Variants in DPYD observed in about 807,000 individuals in gnomAD.
DPYD encodes dihydropyrimidine dehydrogenase.
A neutral mutation model predicts 116.2 loss-of-function variants in DPYD; 109 were observed. The ratio of observed to expected loss-of-function variants is 0.94; its 90% confidence interval spans 0.80 to 1.10. The LOEUF is 1.10. DPYD is among the 50% of genes least tolerant of loss of function. DPYD has a pLI of 0.00. For synonymous variants in DPYD, 440 were observed against 432.0 expected, an observed-to-expected ratio of 1.02 and a Z score of -0.23; for missense variants, 1,302 against 1,254.5, an observed-to-expected ratio of 1.04 and a Z score of -0.57.
intron 13 of DPYD, among the ~76,000 whole-genome samples, chr1:97,457,022 C>T (rs565931201): frequency 1.3e-5 from 2 of 152,090 alleles, no homozygotes; most frequent in African/African-American, 2.4e-5. Flanking sequence ...CAACATGGCA[C>T]GGTGTGTACT....
rs192600256 is a variant in DPYD, at chr1:97,708,039, A to G, written c.484-8492T>C. Among the ~76,000 whole-genome samples, 229 of 152,012 alleles carry G rather than the reference A, an allele frequency of 1.5e-3. No homozygotes were observed. The Middle Eastern group carries it at 0.024, about 16-fold the overall frequency. ...TTTGTTTTGAGATGAGAGTCTCACT[A>G]TGCTCCCCAGGCTGGTCTCAAACTC... On this transcript the variant is annotated intron_variant, in intron 5 of 22. Coordinates refer to ENST00000370192, the MANE Select transcript of DPYD (RefSeq NM_000110.4).
intron 18 of DPYD, among the ~76,000 whole-genome samples, chr1:97,271,326 G>A (rs2100893370): frequency 6.6e-6 from 1 of 152,208 alleles, no homozygotes; most frequent in Non-Finnish European, 1.5e-5. Context: ...ATGGACAGAA[G>A]GGAGAGAAAT....
intron 18 of DPYD, among the ~76,000 whole-genome samples, chr1:97,302,363 T>C (rs1267858473): frequency 1.3e-5 from 2 of 152,028 alleles, no homozygotes; most frequent in Non-Finnish European, 2.9e-5. Context: ...GGTATATAAT[T>C]CAACTTTTTA....
chr1:97,594,560 A>G (rs1319238669), intron 9 of DPYD, among the ~76,000 whole-genome samples: 1 of 152,318 alleles, frequency 6.6e-6, no homozygotes, highest in East Asian at 1.9e-4. Flanking sequence ...CCCCAAAGAC[A>G]ATGACTCTGG....
At chr1:97,127,549 A>G (rs1652943436) in intron 20 of DPYD, among the ~76,000 whole-genome samples, 1 of 152,086 alleles carries the variant, frequency 6.6e-6, no homozygotes, top group South Asian at 2.1e-4. Flanking sequence ...CATTCTAAAT[A>G]ATTCTAGAAA....
intron 13 of DPYD, among the ~76,000 whole-genome samples, chr1:97,465,622 A>C (rs1221194860): frequency 6.6e-6 from 1 of 152,190 alleles, no homozygotes; most frequent in Non-Finnish European, 1.5e-5. Context: ...GCCTGCTGTC[A>C]TCCACGTAAG....
At chr1:97,512,720 A>C (rs190150495) in intron 13 of DPYD, among the ~76,000 whole-genome samples, 1 of 151,998 alleles carries the variant, frequency 6.6e-6, no homozygotes, top group East Asian at 1.9e-4. Flanking sequence ...ATGATAATTT[A>C]GCTTTAATCA....
intron 2 of DPYD, among the ~76,000 whole-genome samples, chr1:97,873,663 G>A (rs1671768716): frequency 6.6e-6 from 1 of 151,676 alleles, no homozygotes; most frequent in Admixed American, 6.6e-5. Context: ...AATAAAAAGA[G>A]GATTATAATC....
chr1:97,426,078 C>T (rs540051408), intron 14 of DPYD, among the ~76,000 whole-genome samples: 12 of 151,680 alleles, frequency 7.9e-5, no homozygotes, highest in Admixed American at 7.9e-4. Flanking sequence ...CATTAGTTGA[C>T]ATTAGTGTTC....
At chr1:97,223,781 TG>T (rs1016169177) in intron 19 of DPYD, among the ~76,000 whole-genome samples, 2 of 152,078 alleles carry the variant, frequency 1.3e-5, no homozygotes, top group African/African-American at 2.4e-5. Context: ...AGATAAGATC[TG>T]GGACTAACAG....
intron 1 of DPYD, among the ~76,000 whole-genome samples, chr1:97,895,113 A>T (rs1307530204): frequency 6.6e-6 from 1 of 151,790 alleles, no homozygotes; most frequent in Non-Finnish European, 1.5e-5. Context: ...CAAATTAGTC[A>T]ATTTACCTCA....
At chr1:97,457,176 T>C (rs972903769) in intron 13 of DPYD, among the ~76,000 whole-genome samples, 1 of 146,270 alleles carries the variant, frequency 6.8e-6, no homozygotes, top group African/African-American at 2.4e-5. Flanking sequence ...ACGACCTGAT[T>C]AGGCTTAAAA....
At chr1:97,381,481 A>G (rs1292365930) in intron 15 of DPYD, among the ~76,000 whole-genome samples, 1 of 152,198 alleles carries the variant, frequency 6.6e-6, no homozygotes, top group African/African-American at 2.4e-5. Flanking sequence ...TTAGGTAAAT[A>G]CATGTATCAA....
chr1:97,678,233 T>C (rs976441308), intron 8 of DPYD, among the ~76,000 whole-genome samples: 1 of 152,162 alleles, frequency 6.6e-6, no homozygotes, highest in Non-Finnish European at 1.5e-5. Flanking sequence ...CCTATGATAA[T>C]TTAATGCCAT....
chr1:97,206,859 A>G (rs1659673795), intron 19 of DPYD, among the ~76,000 whole-genome samples: 1 of 151,162 alleles, frequency 6.6e-6, no homozygotes, highest in African/African-American at 2.4e-5. Context: ...ATATGTACAT[A>G]TATTTATACA....
chr1:97,829,849 T>A (rs1028806334), intron 2 of DPYD, among the ~76,000 whole-genome samples: 1 of 152,022 alleles, frequency 6.6e-6, no homozygotes, highest in Non-Finnish European at 1.5e-5. Flanking sequence ...GCTGCACCCG[T>A]CAGCTCGTCA....
chr1:97,829,742 CT>C (rs1445382389), intron 2 of DPYD, among the ~76,000 whole-genome samples: 2 of 151,322 alleles, frequency 1.3e-5, no homozygotes, highest in Non-Finnish European at 2.9e-5. Context: ...CTACTGCAAT[CT>C]TTTTTTTATT....
chr1:97,842,157 A>G (rs1670070767), intron 2 of DPYD, among the ~76,000 whole-genome samples: 1 of 151,930 alleles, frequency 6.6e-6, no homozygotes, highest in South Asian at 2.1e-4. Context: ...GACTTGCTAC[A>G]CAGGGAAAGA....
chr1:97,220,941 C>T (rs1660732439), intron 19 of DPYD, among the ~76,000 whole-genome samples: 1 of 152,114 alleles, frequency 6.6e-6, no homozygotes. Context: ...TCATGTTATC[C>T]AAAAATGTGA....
Sources: allele counts gnomAD v4.1 joint callset (sites outside exome capture counted in the v4.1 genomes callset), GRCh38; gene constraint gnomAD v4.1.1; transcripts MANE v1.5; gene names NCBI Gene and HGNC (gene_info 2026-07-23, HGNC 2026-07-21).